SUCLG2: variants seen among roughly 807,000 people sequenced by gnomAD.
SUCLG2 encodes succinate-CoA ligase GDP-forming subunit beta.
SUCLG2 carries 42 observed loss-of-function variants against 47.9 expected under a neutral mutation model. The ratio of observed to expected loss-of-function variants is 0.88; its 90% confidence interval spans 0.69 to 1.14. The LOEUF (loss-of-function observed/expected upper bound fraction) is 1.14. SUCLG2 is among the 50% of genes most tolerant of loss of function. The pLI is 0.00. For missense variants in SUCLG2, 571 were observed against 525.9 expected (o/e 1.09, Z -0.84); for synonymous variants, 195 against 197.3 (o/e 0.99, Z 0.10).
At chr3:67,390,487 T>C (rs1702356523) in intron 10 of SUCLG2, among the ~76,000 whole-genome samples, 2 of 152,230 alleles carry the variant, frequency 1.3e-5, no homozygotes, top group Non-Finnish European at 2.9e-5. Flanking sequence ...TATAATTACA[T>C]GTATTTACTT....
intron 2 of SUCLG2, among the ~76,000 whole-genome samples, chr3:67,598,869 T>C (rs1304345158): frequency 2.6e-5 from 4 of 152,166 alleles, no homozygotes; most frequent in Admixed American, 1.3e-4. Context: ...TTCGAGAAGT[T>C]ACAGCACAGC....
intron 9 of SUCLG2, among the ~76,000 whole-genome samples, chr3:67,483,265 C>G (rs1476772273): frequency 6.6e-6 from 1 of 151,938 alleles, no homozygotes; most frequent in Non-Finnish European, 1.5e-5. Context: ...ATAAAGCAAG[C>G]AACATTGCTC....
intron 1 of SUCLG2, among the ~76,000 whole-genome samples, chr3:67,646,810 C>A (rs889036701): frequency 6.6e-6 from 1 of 152,140 alleles, no homozygotes; most frequent in African/African-American, 2.4e-5. Flanking sequence ...TGAATCGATG[C>A]CAAAGTCGCC....
rs61756471 is a variant in SUCLG2, at chr3:67,520,530, G to A, written c.522C>T (p.Gly174=). 1.9e-3 allele frequency: 3,078 copies of A among 1,614,058 alleles called. 54 individuals are homozygous for A. The African/African-American group carries it at 0.034, about 18-fold the overall frequency. The change falls in exon 5 of 11, where the codon GGC becomes GGT. Residue 174 remains glycine (G), a synonymous_variant. Coordinates refer to ENST00000307227, the MANE Select transcript of SUCLG2 (RefSeq NM_003848.4). The stretch of plus-strand genomic sequence containing the variant: ...AAGCAGCCACCTCTTCAATGTCGAC[G>A]CCCCCCTGGGGGCTGCCCACCAGCA... The part of the protein sequence containing the change: ...GPVLVGSPQG[G]VDIEEVAASN...
chr3:67,510,701 T>G (rs530448827), intron 6 of SUCLG2, among the ~76,000 whole-genome samples: 1 of 152,324 alleles, frequency 6.6e-6, no homozygotes, highest in East Asian at 1.9e-4. Context: ...TATGCTATAA[T>G]TCCTTTAACC....
intron 9 of SUCLG2, among the ~76,000 whole-genome samples, chr3:67,483,877 T>C (rs1042175437): frequency 6.6e-6 from 1 of 152,206 alleles, no homozygotes; most frequent in Non-Finnish European, 1.5e-5. Context: ...CCCTGACTTG[T>C]ACCTATGGCT....
intron 2 of SUCLG2, among the ~76,000 whole-genome samples, chr3:67,602,739 A>G (rs1708446249): frequency 6.6e-6 from 1 of 152,232 alleles, no homozygotes; most frequent in Non-Finnish European, 1.5e-5. Flanking sequence ...GAGCATGAGC[A>G]AGTGAACATT....
chr3:67,498,535 C>T (rs920809041), intron 7 of SUCLG2, among the ~76,000 whole-genome samples: 2 of 152,114 alleles, frequency 1.3e-5, no homozygotes, highest in Non-Finnish European at 2.9e-5. Flanking sequence ...GTTCTCATTT[C>T]AATAGAATAA....
chr3:67,385,953 C>T (rs1702248687), intron 10 of SUCLG2, among the ~76,000 whole-genome samples: 1 of 152,136 alleles, frequency 6.6e-6, no homozygotes, highest in Admixed American at 6.5e-5. Context: ...TTTTAAGGAA[C>T]ACCGTGGGAT....
chr3:67,631,256 G>T (rs771741715), intron 1 of SUCLG2, among the ~76,000 whole-genome samples: 1 of 152,174 alleles, frequency 6.6e-6, no homozygotes, highest in African/African-American at 2.4e-5. Context: ...CTAGACCACA[G>T]GAAAAGATGA....
intron 5 of SUCLG2, among the ~76,000 whole-genome samples, chr3:67,519,299 C>T (rs78216989): frequency 0.055 from 8,320 of 152,246 alleles, 320 homozygotes; most frequent in East Asian, 0.17. Flanking sequence ...GCACCCTGTG[C>T]TCCAGCCATC....
At chr3:67,577,507 A>G (rs930571806) in intron 2 of SUCLG2, among the ~76,000 whole-genome samples, 3 of 152,206 alleles carry the variant, frequency 2.0e-5, no homozygotes, top group African/African-American at 7.2e-5. Flanking sequence ...ACACAGGAGG[A>G]GAGCTGATGT....
At chr3:67,400,636 T>G in intron 10 of SUCLG2, 95 bp downstream of exon 10, 1 of 1,532,276 alleles carries the variant, frequency 6.5e-7, no homozygotes, top group Non-Finnish European at 8.8e-7. Context: ...TAGTGTTTCG[T>G]TCTGTTATCT....
At chr3:67,528,050 G>C (rs1706301562) in intron 4 of SUCLG2, 82 bp downstream of exon 4, 3 of 1,256,480 alleles carry the variant, frequency 2.4e-6, no homozygotes, top group Non-Finnish European at 3.4e-6. Flanking sequence ...TACTTCATTA[G>C]ATTCTGTCAA....
At chr3:67,617,978 T>TAGGG (rs1249566684) in intron 1 of SUCLG2, among the ~76,000 whole-genome samples, 1 of 152,240 alleles carries the variant, frequency 6.6e-6, no homozygotes, top group African/African-American at 2.4e-5. Flanking sequence ...CACTGAGCCC[T>TAGGG]GCTCATTGTT....
intron 9 of SUCLG2, among the ~76,000 whole-genome samples, chr3:67,490,420 C>A (rs2107043370): frequency 6.6e-6 from 1 of 152,296 alleles, no homozygotes; most frequent in African/African-American, 2.4e-5. Context: ...ACAAAAAGAG[C>A]TGGCCTCTTC....
intron 1 of SUCLG2, among the ~76,000 whole-genome samples, chr3:67,633,214 AT>A (rs1700956283): frequency 6.6e-6 from 1 of 151,686 alleles, no homozygotes; most frequent in African/African-American, 2.4e-5. Flanking sequence ...GGACATGATT[AT>A]TTTTTTGGGC....
At chr3:67,460,223 G>A (rs1034176074) in intron 9 of SUCLG2, among the ~76,000 whole-genome samples, 5 of 152,140 alleles carry the variant, frequency 3.3e-5, no homozygotes, top group Admixed American at 6.5e-5. Context: ...TAGAAGTGTA[G>A]CTAAGAATAA....
chr3:67,412,533 TC>T (rs1383829138), intron 9 of SUCLG2, among the ~76,000 whole-genome samples: 9 of 152,074 alleles, frequency 5.9e-5, no homozygotes, highest in Non-Finnish European at 1.2e-4. Flanking sequence ...ATTAATGGGT[TC>T]CTTTTGGATC....
Sources: gnomAD v4.1 joint callset for allele counts (sites outside exome capture counted in the v4.1 genomes callset) on GRCh38, gnomAD v4.1.1 for gene constraint, MANE v1.5 for transcripts, NCBI Gene and HGNC (gene_info 2026-07-23, HGNC 2026-07-21) for gene names.